ENAM: variants seen among roughly 807,000 people sequenced by gnomAD.
ENAM encodes enamelin, also known as amelogenesis imperfecta 2, hypocalcification (autosomal dominant).
In ENAM, 21 loss-of-function variants were observed where a neutral mutation model predicts 33.6. That is an observed-to-expected ratio of 0.63 (90% CI 0.44 to 0.90). The LOEUF (loss-of-function observed/expected upper bound fraction) is 0.90. ENAM is among the 40% of genes least tolerant of loss of function. The pLI is 0.00. For synonymous variants in ENAM, 473 were observed against 468.4 expected (o/e 1.01, Z -0.13); for missense variants, 1,388 against 1,366.9 (o/e 1.02, Z -0.24).
At position 70,642,517 on chromosome 4, in the gene ENAM, T is replaced by G; in HGVS notation, c.1091T>G (p.Phe364Cys). Residue 364 changes from phenylalanine (F) to cysteine (C), a missense_variant, in exon 9 of 9, where the codon TTT becomes TGT. Physicochemically the swap from Phe to Cys is radical, Grantham distance 205. Transcript: ENST00000396073. ...QVQRGPRWNF[F>C]AWERKQVARP... ...CAAAGGGGTCCTCGGTGGAACTTCT[T>G]TGCTTGGGAACGTAAACAAGTAGCT... is the stretch of plus-strand genomic sequence containing the variant. The G allele has an allele frequency of 6.2e-7, 1 of 1,614,140 alleles. No homozygotes were observed. The highest frequency in any genetic ancestry group is 8.5e-7 in the Non-Finnish European group (1 of 1,180,014).
In ENAM at chr4:70,631,862, G is replaced by A. The variant is rs776293682; in HGVS notation, c.137G>A (p.Arg46Gln). ...NSVAMPMHMP[R>Q]MPGFSSKSEE... ...TCTTACTTCCAGATGCACATGCCCC[G>A]AATGCCTGGATTTAGCAGTAAAAGT... The change falls in exon 4 of 9, where the codon CGA becomes CAA. Residue 46 changes from arginine to glutamine, a missense_variant. Arg to Gln is a conservative substitution (Grantham distance 43). Transcript: ENST00000396073. 36 of 1,613,870 alleles carry A rather than the reference G, an allele frequency of 2.2e-5. No individual in the cohort carries two copies. Among genetic ancestry groups the A allele is most frequent in the East Asian group, 1.1e-4 (5 of 44,884 alleles).
At chr4:70,630,055 CT>C in intron 2 of ENAM, among the ~76,000 whole-genome samples, 1 of 152,168 alleles carries the variant, frequency 6.6e-6, no homozygotes, top group East Asian at 1.9e-4. Context: ...TTGTTGTAAC[CT>C]ATACTAAACA....
Position 70,645,419 on chromosome 4 carries a change from A to C in ENAM, c.*564A>C, listed in dbSNP as rs960577801. ...TCCTTCTTTTCTCTCTCCCTCAACC[A>C]TTCTGTATTTAGCTTTCTAATCCTC... On this transcript the variant is annotated 3_prime_UTR_variant, in exon 9 of 9. Coordinates refer to ENST00000396073, the MANE Select transcript of ENAM (RefSeq NM_031889.3). The C allele has an allele frequency of 1.9e-5, 3 of 153,916 alleles. No homozygotes were observed. The highest frequency in any genetic ancestry group is 4.3e-5 in the Non-Finnish European group (3 of 70,150). 9.5% of individuals were successfully genotyped at this position (153,916 alleles called of 1,614,324 possible). A position where few individuals can be genotyped will look rare whatever the true frequency, so the allele number is the denominator to read the frequency against.
chr4:70,637,864 A>C, intron 8 of ENAM, 21 bp downstream of exon 8: 2 of 1,573,804 alleles, frequency 1.3e-6, no homozygotes, highest in Non-Finnish European at 8.7e-7. Flanking sequence ...GTAAAACTAC[A>C]TTCTCCACTA....
Position 70,629,532 on chromosome 4 carries a change from C to G in ENAM, c.32C>G (p.Ser11Cys), listed in dbSNP as rs750213131. The part of the protein sequence containing the change: MLVLRCRLGT[S>C]FPKLDNLVPK... ...GTGCTTCGGTGCAGGCTTGGAACCT[C>G]TTTTCCTAAACTAGATAACTTGGTG... Residue 11 changes from serine to cysteine, a missense_variant, in exon 2 of 9, where the codon TCT becomes TGT. Coordinates refer to ENST00000396073, the MANE Select transcript of ENAM (RefSeq NM_031889.3). 6.2e-7 allele frequency: 1 copy of G among 1,613,348 alleles called. No individual in the cohort carries two copies. Among genetic ancestry groups the G allele is most frequent in the Non-Finnish European group, 8.5e-7 (1 of 1,179,436 alleles).
chr4:70,632,761 C>T (rs865879853), intron 5 of ENAM, 69 bp downstream of exon 5: 3 of 1,095,426 alleles, frequency 2.7e-6, no homozygotes, highest in Non-Finnish European at 2.8e-6. Context: ...TAAAGTTTGC[C>T]TTAGTCAATA....
In ENAM at chr4:70,637,855, T is replaced by G; in HGVS notation, c.588+12T>G. On this transcript the variant is annotated intron_variant, in intron 8 of 8. Transcript: ENST00000396073. ...ATGAAGAAGGGGGGGTAAGTACAAG[T>G]AAAACTACATTCTCCACTAGAAATT... 6.3e-7 allele frequency: 1 copy of G among 1,591,534 alleles called. No homozygotes were observed. Among genetic ancestry groups the G allele is most frequent in the African/African-American group, 1.3e-5 (1 of 74,538 alleles).
Position 70,643,084 on chromosome 4 carries a change from C to A in ENAM, c.1658C>A (p.Pro553His). ...YQPAVYPEEI[P>H]SPAKEHFPAG... The stretch of plus-strand genomic sequence containing the variant: ...CCTGCTGTATACCCTGAGGAAATCC[C>A]TTCTCCTGCAAAAGAACATTTTCCT... The change falls in exon 9 of 9, where the codon CCT (proline) becomes CAT (histidine). Residue 553 changes from proline (P) to histidine (H), a missense_variant. Physicochemically the swap from Pro to His is moderately conservative, Grantham distance 77. Transcript: ENST00000396073. 6.2e-7 allele frequency: 1 copy of A among 1,613,984 alleles called. No individual in the cohort carries two copies. The highest frequency in any genetic ancestry group is 8.5e-7 in the Non-Finnish European group (1 of 1,179,994).
chr4:70,637,921 G>A (rs962496897), intron 8 of ENAM, 78 bp downstream of exon 8: 3 of 1,093,558 alleles, frequency 2.7e-6, no homozygotes, highest in Non-Finnish European at 4.2e-6. Context: ...CATCTAATAA[G>A]AAAGTTAAAA....
chr4:70,632,480 T>G (rs62323412), intron 4 of ENAM, among the ~76,000 whole-genome samples, 171 bp from the exon 5 acceptor site: 1 of 152,028 alleles, frequency 6.6e-6, no homozygotes, highest in African/African-American at 2.4e-5. Context: ...TTCTTAAAAT[T>G]CAAGCATAAG....
chr4:70,637,679 A>G, intron 7 of ENAM, 111 bp from the exon 8 acceptor site: 1 of 826,288 alleles, frequency 1.2e-6, no homozygotes, highest in Non-Finnish European at 2.2e-6. Flanking sequence ...CAGAGTACTA[A>G]CTGAGCTCAA....
At chr4:70,632,004 G>C in intron 4 of ENAM, 111 bp downstream of exon 4, 1 of 989,884 alleles carries the variant, frequency 1.0e-6, no homozygotes, top group South Asian at 1.3e-5. Flanking sequence ...TTATGAAAAA[G>C]GTAAAAAGAG....
At position 70,644,959 on chromosome 4, in the gene ENAM, C is replaced by A; in HGVS notation, c.*104C>A. The A allele has an allele frequency of 1.1e-6, 1 of 936,000 alleles. No individual in the cohort carries two copies. Among genetic ancestry groups the A allele is most frequent in the Non-Finnish European group, 1.7e-6 (1 of 585,578 alleles). The allele number at this position is 936,000 out of a possible 1,614,324, so 58.0% of individuals were successfully genotyped here. A position where few individuals can be genotyped will look rare whatever the true frequency, so the allele number is the denominator to read the frequency against. Reference sequence around the variant, plus strand: ...AAGACTTAATTAAGTGTCTGACTGTCTTGGTGATCCTTAAGTTTTCTCCCC... The same window carrying A: ...AAGACTTAATTAAGTGTCTGACTGTATTGGTGATCCTTAAGTTTTCTCCCC... On this transcript the variant is annotated 3_prime_UTR_variant, in exon 9 of 9. Transcript: ENST00000396073.
intron 6 of ENAM, 31 bp from the exon 7 acceptor site, chr4:70,635,801 C>T: frequency 7.2e-7 from 1 of 1,383,678 alleles, no homozygotes; most frequent in Non-Finnish European, 1.0e-6. Context: ...TTTTCAATAC[C>T]ACATCACTCT....
intron 6 of ENAM, 95 bp downstream of exon 6, chr4:70,634,663 C>G (rs1738407669): frequency 8.4e-7 from 1 of 1,196,740 alleles, no homozygotes; most frequent in Admixed American, 1.7e-5. Context: ...AATACAGGTA[C>G]TCTGTTGCAA....
chr4:70,628,997 T>C (rs1738243254), intron 1 of ENAM, 33 bp downstream of exon 1: 1 of 160,688 alleles, frequency 6.2e-6, no homozygotes, highest in Admixed American at 5.8e-5. Flanking sequence ...ATAAATTACA[T>C]ATAGTGTCAA....
At chr4:70,640,641 T>G (rs930735819) in intron 8 of ENAM, among the ~76,000 whole-genome samples, 16 of 152,160 alleles carry the variant, frequency 1.1e-4, no homozygotes, top group South Asian at 6.2e-4. Context: ...CTGTACTTAT[T>G]TTGTCTCATT....
At chr4:70,639,013 T>C (rs1407732087) in intron 8 of ENAM, among the ~76,000 whole-genome samples, 4 of 151,938 alleles carry the variant, frequency 2.6e-5, no homozygotes, top group African/African-American at 7.3e-5. Flanking sequence ...ACCAGACTAG[T>C]ATCGAACTCC....
chr4:70,643,548 T>C lies in ENAM; in HGVS notation c.2122T>C (p.Ser708Pro). ...TCTTCCCTATTCTTTAGATAATCCA[T>C]CAAAACCAAGGGAGGATTTTTATTA... ...EYLPYSLDNPSKPREDFYYSE... is the reference protein window; with the variant it reads ...EYLPYSLDNPPKPREDFYYSE... Residue 708 changes from serine (S) to proline (P), a missense_variant, in exon 9 of 9, where the codon TCA (serine) becomes CCA (proline). Physicochemically the swap from Ser to Pro is moderately conservative, Grantham distance 74. Transcript: ENST00000396073. 6.2e-7 allele frequency: 1 copy of C among 1,614,098 alleles called. No individual in the cohort carries two copies. The highest frequency in any genetic ancestry group is 2.2e-5 in the East Asian group (1 of 44,866).
Sources: gnomAD v4.1 joint callset for allele counts (sites outside exome capture counted in the v4.1 genomes callset) on GRCh38, gnomAD v4.1.1 for gene constraint, MANE v1.5 for transcripts, NCBI Gene and HGNC (gene_info 2026-07-23, HGNC 2026-07-21) for gene names.